Variants in INPP5F observed in about 807,000 individuals in gnomAD.
The protein encoded by INPP5F is inositol polyphosphate-5-phosphatase F.
INPP5F carries 97 observed loss-of-function variants against 137.2 expected under a neutral mutation model. The ratio of observed to expected loss-of-function variants is 0.71; its 90% confidence interval spans 0.60 to 0.84. The LOEUF (loss-of-function observed/expected upper bound fraction) is 0.84, where lower values mean the gene tolerates loss of function less well. Ranked by LOEUF, INPP5F falls within the 40% of genes least tolerant of loss-of-function variation. The probability of loss-of-function intolerance (pLI) is 0.00; values close to 1 mark genes in which losing one functional copy is unlikely to be tolerated. For synonymous variants in INPP5F, 504 were observed against 476.9 expected, an observed-to-expected ratio of 1.06 and a Z score of -0.74; for missense variants, 1,271 against 1,371.9, an observed-to-expected ratio of 0.93 and a Z score of 1.16.
Position 119,826,763 on chromosome 10 carries a change from T to C in INPP5F, c.2382T>C (p.Asn794=), listed in dbSNP as rs1851775796. The change falls in exon 20 of 20, where the codon AAT becomes AAC. Residue 794 remains asparagine, a synonymous_variant. Coordinates refer to ENST00000650623, the MANE Select transcript of INPP5F (RefSeq NM_014937.4). ...LNQKVKQTKS[N]VNIGNLRKLG... is the part of the protein sequence containing the mutation. ...AAAAAGTGAAGCAGACCAAATCCAA[T>C]GTAAATATTGGCAACCTCCGAAAGC... The C allele has an allele frequency of 6.2e-7, 1 of 1,613,948 alleles. No homozygotes were observed. Among genetic ancestry groups the C allele is most frequent in the East Asian group, 2.2e-5 (1 of 44,878 alleles).
intron 2 of INPP5F, among the ~76,000 whole-genome samples, chr10:119,758,451 T>C (rs1848913794): frequency 6.6e-6 from 1 of 152,254 alleles, no homozygotes. Flanking sequence ...TTCTGTGTAA[T>C]GTCTGGGTAT....
At position 119,810,072 on chromosome 10, in the gene INPP5F, G is replaced by T. The variant is rs376465690; in HGVS notation, c.1570-28G>T. 2.2e-5 allele frequency: 28 copies of T among 1,282,220 alleles called. No homozygotes were observed. In the African/African-American group the frequency reaches 3.9e-4, roughly 18 times the overall value. The allele number at this position is 1,282,220 out of a possible 1,614,324, so 79.4% of individuals were successfully genotyped here. ...TGGGGGCATTCTTGTGTTTAAATAA[G>T]ATGTCAAAATCAGTTTTTGTTTGAC... On this transcript the variant is annotated intron_variant, in intron 13 of 19. Transcript: ENST00000650623.
At chr10:119,731,358 A>G (rs184631717) in intron 1 of INPP5F, among the ~76,000 whole-genome samples, 33 of 151,508 alleles carry the variant, frequency 2.2e-4, no homozygotes, top group South Asian at 6.3e-4. Flanking sequence ...TTTGAACTTT[A>G]TCTTTTTAAA....
At chr10:119,799,430 G>A (rs1170894279) in intron 9 of INPP5F, 1 of 257,544 alleles carries the variant, frequency 3.9e-6, no homozygotes, top group Non-Finnish European at 7.8e-6. Context: ...CTTAAGTGGA[G>A]AGAAAATACC....
chr10:119,780,348 G>A (rs942066554), intron 2 of INPP5F, among the ~76,000 whole-genome samples: 3 of 152,160 alleles, frequency 2.0e-5, no homozygotes, highest in Non-Finnish European at 2.9e-5. Context: ...GCCAAGGCTG[G>A]CAGATTGCTT....
intron 2 of INPP5F, among the ~76,000 whole-genome samples, chr10:119,769,181 A>C (rs1481768132): frequency 1.3e-5 from 2 of 152,254 alleles, no homozygotes; most frequent in Non-Finnish European, 2.9e-5. Context: ...GGTGGATTAA[A>C]TGTATATCTT....
At position 119,787,609 on chromosome 10, in the gene INPP5F, A is replaced by G. The variant is rs1589714622; in HGVS notation, c.316-3908A>G. On this transcript the variant is annotated intron_variant, in intron 3 of 19. Coordinates refer to ENST00000650623, the MANE Select transcript of INPP5F (RefSeq NM_014937.4). This position sits in a 1 kb window ranked among gnomAD's most constrained non-coding sequence, Gnocchi z 4.1. ...GGAAAGAAGGAAGGAAGGAAAGGAT[A>G]GAAGGAAGGAAAGGGAAGGGGGAGG... Among the ~76,000 whole-genome samples, 5 of 135,236 alleles carry G rather than the reference A, an allele frequency of 3.7e-5. No homozygotes were observed. The South Asian group carries it at 2.1e-3, about 56-fold the overall frequency. 88.7% of individuals were successfully genotyped at this position (135,236 alleles called of 152,430 possible). A position where few individuals can be genotyped will look rare whatever the true frequency, so the allele number is the denominator to read the frequency against.
At chr10:119,756,429 A>G (rs1234250357) in intron 2 of INPP5F, among the ~76,000 whole-genome samples, 1 of 152,064 alleles carries the variant, frequency 6.6e-6, no homozygotes, top group Admixed American at 6.5e-5. Context: ...TGAGGTCAGG[A>G]GTTCGAGACA....
chr10:119,766,413 A>G (rs368096603), intron 2 of INPP5F, among the ~76,000 whole-genome samples: 9 of 152,224 alleles, frequency 5.9e-5, no homozygotes, highest in African/African-American at 2.2e-4. Flanking sequence ...AACGAGATCA[A>G]GAAAACTAGT....
In INPP5F at chr10:119,827,489, T is replaced by C; in HGVS notation, c.3108T>C (p.Ser1036=). The C allele has an allele frequency of 6.2e-7, 1 of 1,614,170 alleles. No homozygotes were observed. ...TTGAGCCAGCGCATTCAGTTGCATC[T>C]CAAAAAACCCCCACCTCCGCTTCCA... ...LSVEPAHSVA[S]QKTPTSASSM... is the part of the protein sequence containing the mutation. The change falls in exon 20 of 20, where the codon TCT becomes TCC. Residue 1036 remains serine, a synonymous_variant. Coordinates refer to ENST00000650623, the MANE Select transcript of INPP5F (RefSeq NM_014937.4).
chr10:119,750,103 T>C (rs1205871473), intron 1 of INPP5F, among the ~76,000 whole-genome samples: 1 of 152,196 alleles, frequency 6.6e-6, no homozygotes, highest in Non-Finnish European at 1.5e-5. Flanking sequence ...TTCCATTGAA[T>C]GTATCATAAC....
intron 2 of INPP5F, among the ~76,000 whole-genome samples, chr10:119,769,204 A>G (rs947338459): frequency 3.9e-5 from 6 of 152,344 alleles, no homozygotes; most frequent in East Asian, 1.9e-4. Flanking sequence ...CTGTATGTCA[A>G]TAGGATGGTG....
At chr10:119,788,980 C>CT (rs1233593530) in intron 3 of INPP5F, among the ~76,000 whole-genome samples, 2 of 152,134 alleles carry the variant, frequency 1.3e-5, no homozygotes, top group Non-Finnish European at 2.9e-5. Context: ...AATCCCAGCA[C>CT]TTCGGGAGGC....
chr10:119,782,436 C>A (rs948448556), intron 3 of INPP5F, among the ~76,000 whole-genome samples: 20 of 152,270 alleles, frequency 1.3e-4, no homozygotes, highest in African/African-American at 4.6e-4. Context: ...TGTCATCACT[C>A]CGATTGTTTT....
intron 1 of INPP5F, among the ~76,000 whole-genome samples, chr10:119,726,778 C>T (rs1847906891): frequency 6.6e-6 from 1 of 152,244 alleles, no homozygotes; most frequent in Admixed American, 6.5e-5. Flanking sequence ...GGAGCGGTTG[C>T]GCCAGTTCCG....
rs376966522 is a variant in INPP5F, at chr10:119,807,163, C to CT, written c.1440+684dup. Among the ~76,000 whole-genome samples the CT allele has an allele frequency of 1.9e-4, 29 of 152,224 alleles. No homozygotes were observed. The East Asian group carries it at 5.6e-3, about 29-fold the overall frequency. On this transcript the variant is annotated intron_variant, in intron 12 of 19. Coordinates refer to ENST00000650623, the MANE Select transcript of INPP5F (RefSeq NM_014937.4). ...TGGCCGTCATCTGTAATCCCCGCTACTCGGGAGGCTAAGGCATGAAAATCA... is the reference window on the plus strand; with the variant it reads ...TGGCCGTCATCTGTAATCCCCGCTACTTCGGGAGGCTAAGGCATGAAAATCA...
In INPP5F at chr10:119,827,836, C is replaced by A; in HGVS notation, c.*56C>A. 2 of 1,242,434 alleles carry A rather than the reference C, an allele frequency of 1.6e-6. No homozygotes were observed. The highest frequency in any genetic ancestry group is 1.4e-5 in the South Asian group (1 of 69,446). The allele number at this position is 1,242,434 out of a possible 1,614,324, so 77.0% of individuals were successfully genotyped here. ...TTATTTAAAAATATGAAATTTTCACCTCTTGGGGTATTTTAATTGTACTGT... is the reference window on the plus strand; with the variant it reads ...TTATTTAAAAATATGAAATTTTCACATCTTGGGGTATTTTAATTGTACTGT... On this transcript the variant is annotated 3_prime_UTR_variant, in exon 20 of 20. Transcript: ENST00000650623.
chr10:119,799,374 G>A, intron 9 of INPP5F: 2 of 395,400 alleles, frequency 5.1e-6, no homozygotes, highest in Non-Finnish European at 9.8e-6. Context: ...TGTATATGGA[G>A]GAAAAAAAAG....
At position 119,746,809 on chromosome 10, in the gene INPP5F, A is replaced by G. The variant is rs1164801457; in HGVS notation, c.98-4267A>G. Among the ~76,000 whole-genome samples, 3 of 149,522 alleles carry G rather than the reference A, an allele frequency of 2.0e-5. No individual in the cohort carries two copies. The East Asian group carries it at 5.9e-4, about 29-fold the overall frequency. On this transcript the variant is annotated intron_variant, in intron 1 of 19. Coordinates refer to ENST00000650623, the MANE Select transcript of INPP5F (RefSeq NM_014937.4). ...TTTTTTTTTTTTTTTTTTGAGACAG[A>G]GTCTTGCTCTGTCGCCCAGGCTGCA...
Sources: allele counts gnomAD v4.1 joint callset (sites outside exome capture counted in the v4.1 genomes callset), GRCh38; gene constraint gnomAD v4.1.1; non-coding constraint Gnocchi (gnomAD v3.1); transcripts MANE v1.5; gene names NCBI Gene and HGNC (gene_info 2026-07-23, HGNC 2026-07-21).